Variants in GRK5 observed in about 807,000 individuals in gnomAD.
GRK5 encodes the protein G protein-coupled receptor kinase 5.
GRK5 carries 40 observed loss-of-function variants against 78.4 expected under a neutral mutation model. That is an observed-to-expected ratio of 0.51 (90% CI 0.40 to 0.66). GRK5 has a LOEUF of 0.66. GRK5 is among the 30% of genes least tolerant of loss of function. The probability of loss-of-function intolerance (pLI) is 0.00; values close to 1 mark genes in which losing one functional copy is unlikely to be tolerated. For missense variants in GRK5, 598 were observed against 759.9 expected (o/e 0.79, Z 2.50); for synonymous variants, 289 against 296.8 (o/e 0.97, Z 0.27).
intron 1 of GRK5, among the ~76,000 whole-genome samples, chr10:119,277,723 TC>T (rs35839135): frequency 3.1e-3 from 469 of 152,338 alleles, no homozygotes; most frequent in Non-Finnish European, 5.4e-3. Context: ...TGCCCTGTCA[TC>T]CCTTCCTGTC....
At position 119,217,121 on chromosome 10, in the gene GRK5, G is replaced by A. The variant is rs184796472; in HGVS notation, c.52+9152G>A. Among the ~76,000 whole-genome samples the A allele has an allele frequency of 3.9e-5, 6 of 152,158 alleles. No individual in the cohort carries two copies. The highest frequency in any genetic ancestry group is 1.9e-4 in the East Asian group (1 of 5,180). ...TATGCCAAAACAACAAACTCTTCTCGAGATGGTAGGGTTTTTAAGTGTAAA... is the reference window on the plus strand; with the variant it reads ...TATGCCAAAACAACAAACTCTTCTCAAGATGGTAGGGTTTTTAAGTGTAAA... On this transcript the variant is annotated intron_variant, in intron 1 of 15. Transcript: ENST00000392870. This position sits in a 1 kb window ranked among gnomAD's most constrained non-coding sequence, Gnocchi z 4.1.
At chr10:119,411,408 C>G (rs1446081245) in intron 4 of GRK5, among the ~76,000 whole-genome samples, 1 of 152,154 alleles carries the variant, frequency 6.6e-6, no homozygotes, top group Non-Finnish European at 1.5e-5. Context: ...TTGGACTGTT[C>G]ACCAAGGAAA....
rs10787967 is a variant in GRK5, at chr10:119,430,528, C to G, written c.597+90C>G. On this transcript the variant is annotated intron_variant, in intron 7 of 15. Transcript: ENST00000392870. The surrounding 1 kb of genome is among the most constrained non-coding windows in gnomAD (Gnocchi z 4.5). Reference sequence around the variant, plus strand: ...TAAATCAACCTAAAGGGTTGGCCCACGGGTCCCCCGGGGGCACCAGTGGCT... The same window carrying G: ...TAAATCAACCTAAAGGGTTGGCCCAGGGGTCCCCCGGGGGCACCAGTGGCT... 0.46 allele frequency: 566,448 copies of G among 1,231,898 alleles called. 133,606 individuals are homozygous for G. Among genetic ancestry groups the G allele is most frequent in the Admixed American group, 0.49 (23,333 of 47,192 alleles). The allele number at this position is 1,231,898 out of a possible 1,614,324, so 76.3% of individuals were successfully genotyped here. A position where few individuals can be genotyped will look rare whatever the true frequency, so the allele number is the denominator to read the frequency against.
At chr10:119,211,096 G>T (rs1415091922) in intron 1 of GRK5, among the ~76,000 whole-genome samples, 2 of 152,156 alleles carry the variant, frequency 1.3e-5, no homozygotes, top group Non-Finnish European at 2.9e-5. Flanking sequence ...AATAAGAAAA[G>T]GTAGAGGTAT....
intron 1 of GRK5, among the ~76,000 whole-genome samples, chr10:119,291,553 T>TC (rs1849956551): frequency 6.8e-6 from 1 of 146,924 alleles, no homozygotes. Flanking sequence ...CTCCTCCTCC[T>TC]CTTCCTCCTC....
chr10:119,411,842 C>CTTTTTTTTTTTTTTTTT lies in GRK5; in HGVS notation c.340-11314_340-11298dup, dbSNP rs10578557. Among the ~76,000 whole-genome samples, 168 of 95,948 alleles carry CTTTTTTTTTTTTTTTTT rather than the reference C, an allele frequency of 1.8e-3. 18 individuals carry two copies. The highest frequency in any genetic ancestry group is 2.4e-3 in the Admixed American group (17 of 7,182). 62.9% of individuals were successfully genotyped at this position (95,948 alleles called of 152,430 possible). On this transcript the variant is annotated intron_variant, in intron 4 of 15. Coordinates refer to ENST00000392870, the MANE Select transcript of GRK5 (RefSeq NM_005308.3). ...CCTCAGCTTCATTGCAGATCTGCTTCTTTTTTTTTTTTTTTTTTTTTTTTT... is the reference window on the plus strand; with the variant it reads ...CCTCAGCTTCATTGCAGATCTGCTTCTTTTTTTTTTTTTTTTTTTTTTTTTTTTTTTTTTTTTTTTTT...
intron 1 of GRK5, 56 bp from the exon 2 acceptor site, chr10:119,326,460 G>A (rs1048962399): frequency 6.9e-6 from 10 of 1,453,436 alleles, no homozygotes; most frequent in Middle Eastern, 1.8e-4. Context: ...GGCTCACTGC[G>A]GGGACGCCGC....
rs1285428850 is a variant in GRK5 at position 119,445,472 on chromosome 10, T to C, written c.1266+1720T>C. 1.3e-5 allele frequency among the ~76,000 whole-genome samples: 2 copies of C among 152,034 alleles called. No individual in the cohort carries two copies. Among genetic ancestry groups the C allele is most frequent in the Admixed American group, 1.3e-4 (2 of 15,272 alleles). On this transcript the variant is annotated intron_variant, in intron 12 of 15. Coordinates refer to ENST00000392870, the MANE Select transcript of GRK5 (RefSeq NM_005308.3). The surrounding 1 kb of genome is among the most constrained non-coding windows in gnomAD (Gnocchi z 4.1). ...CCACCTTGGCCCCTGGCTTTGGAGC[T>C]GGGATCTCCTGCTGCAGCCTGGACC...
At chr10:119,226,479 G>A (rs1369504519) in intron 1 of GRK5, among the ~76,000 whole-genome samples, 3 of 150,556 alleles carry the variant, frequency 2.0e-5, no homozygotes, top group Non-Finnish European at 4.4e-5. Flanking sequence ...GACTAGTGAT[G>A]TGAGTTCTGT....
At position 119,379,013 on chromosome 10, in the gene GRK5, C is replaced by T. The variant is rs966380870; in HGVS notation, c.149-1802C>T. ...TGTGACTGAGTCACGTGCCTGTCTC[C>T]GTAGCATGGGAGGCGTCAGCTCCCC... On this transcript the variant is annotated intron_variant, in intron 2 of 15. Transcript: ENST00000392870. This position sits in a 1 kb window ranked among gnomAD's most constrained non-coding sequence, Gnocchi z 4.1. 1.3e-5 allele frequency among the ~76,000 whole-genome samples: 2 copies of T among 152,180 alleles called. No homozygotes were observed. The highest frequency in any genetic ancestry group is 4.8e-5 in the African/African-American group (2 of 41,454).
At chr10:119,212,234 C>A (rs149056415) in intron 1 of GRK5, among the ~76,000 whole-genome samples, 4 of 151,998 alleles carry the variant, frequency 2.6e-5, no homozygotes, top group Non-Finnish European at 5.9e-5. Flanking sequence ...TTTCAGAAGG[C>A]CTTTTGCTTT....
At chr10:119,395,258 G>A (rs1443744441) in intron 3 of GRK5, among the ~76,000 whole-genome samples, 1 of 152,204 alleles carries the variant, frequency 6.6e-6, no homozygotes, top group Non-Finnish European at 1.5e-5. Flanking sequence ...TTGGATCTTG[G>A]CTCTCCATTA....
At chr10:119,443,811 G>A (rs754093003) in intron 12 of GRK5, 59 bp downstream of exon 12, 30 of 1,413,390 alleles carry the variant, frequency 2.1e-5, no homozygotes, top group Non-Finnish European at 2.5e-5. Flanking sequence ...CCTGGGCCTG[G>A]CCCCAGTCTG....
chr10:119,279,879 G>A (rs937671806), intron 1 of GRK5, among the ~76,000 whole-genome samples: 9 of 152,156 alleles, frequency 5.9e-5, no homozygotes, highest in East Asian at 1.9e-4. Context: ...AGAAGTTATC[G>A]CCTGGTTTGC....
intron 4 of GRK5, among the ~76,000 whole-genome samples, chr10:119,413,745 A>G (rs1852388310): frequency 6.6e-6 from 1 of 152,088 alleles, no homozygotes; most frequent in Non-Finnish European, 1.5e-5. Context: ...CTGGAGAGCA[A>G]CAGGAGTAAA....
chr10:119,210,157 T>G (rs1303180829), intron 1 of GRK5, among the ~76,000 whole-genome samples: 1 of 152,226 alleles, frequency 6.6e-6, no homozygotes, highest in Non-Finnish European at 1.5e-5. Context: ...TTTTTTCCTT[T>G]TAAAGGCTTT....
chr10:119,373,753 T>G (rs1851581927), intron 2 of GRK5, among the ~76,000 whole-genome samples: 1 of 152,198 alleles, frequency 6.6e-6, no homozygotes. Context: ...TCGCACATGC[T>G]GTTGGGGAAA....
intron 1 of GRK5, among the ~76,000 whole-genome samples, chr10:119,269,816 G>A (rs1849557374): frequency 6.9e-6 from 1 of 144,184 alleles, no homozygotes; most frequent in South Asian, 2.2e-4. Context: ...CTGCAAGATG[G>A]AGTGAGACTC....
intron 1 of GRK5, among the ~76,000 whole-genome samples, chr10:119,234,050 T>C (rs771824343): frequency 6.6e-6 from 1 of 152,220 alleles, no homozygotes; most frequent in African/African-American, 2.4e-5. Context: ...ACGTATGATA[T>C]AGCCAGCTGC....
Sources: allele counts gnomAD v4.1 joint callset (sites outside exome capture counted in the v4.1 genomes callset), GRCh38; gene constraint gnomAD v4.1.1; non-coding constraint Gnocchi (gnomAD v3.1); transcripts MANE v1.5; gene names NCBI Gene and HGNC (gene_info 2026-07-23, HGNC 2026-07-21).